The following RGS7 variants were observed in gnomAD, a reference collection of about 807,000 sequenced individuals.
RGS7 encodes the protein regulator of G protein signaling 7.
Under a neutral mutation model 81.1 loss-of-function variants are expected in RGS7, and 27 were observed. That is an observed-to-expected ratio of 0.33 (90% CI 0.25 to 0.46). The LOEUF (loss-of-function observed/expected upper bound fraction) is 0.46, where lower values mean the gene tolerates loss of function less well. RGS7 is among the 20% of genes least tolerant of loss of function. The pLI, the probability that RGS7 is intolerant of heterozygous loss-of-function variation, is 1.00. For missense variants in RGS7, 396 were observed against 607.4 expected (o/e 0.65, Z 3.66); for synonymous variants, 208 against 207.7 (o/e 1.00, Z -0.01).
chr1:241,190,478 C>T (rs12127470), intron 2 of RGS7, among the ~76,000 whole-genome samples: 108,948 of 151,974 alleles, frequency 0.72, 39,461 homozygotes, highest in Admixed American at 0.74. Flanking sequence ...CATTAATTTA[C>T]ATTTTGTGTG....
rs958556145 is a variant in RGS7, at chr1:241,271,560, T to C, written c.78+84139A>G. Among the ~76,000 whole-genome samples, 1 of 152,224 alleles carries C rather than the reference T, an allele frequency of 6.6e-6. No individual in the cohort carries two copies. The highest frequency in any genetic ancestry group is 6.5e-5 in the Admixed American group (1 of 15,286). On this transcript the variant is annotated intron_variant, in intron 2 of 18. Transcript: ENST00000440928. This position sits in a 1 kb window ranked among gnomAD's most constrained non-coding sequence, Gnocchi z 4.6. ...TCTGGTTAAACATTATTTTTGGGTG[T>C]GTCTGTGAGAGGCTTTCTGGAAGAA...
At chr1:241,277,521 T>C (rs1558265754) in intron 2 of RGS7, among the ~76,000 whole-genome samples, 1 of 150,968 alleles carries the variant, frequency 6.6e-6, no homozygotes, top group Non-Finnish European at 1.5e-5. Context: ...CAGGAGGCTG[T>C]GGCAGGAGAA....
intron 2 of RGS7, among the ~76,000 whole-genome samples, chr1:241,232,538 T>G (rs2075724700): frequency 6.6e-6 from 1 of 152,114 alleles, no homozygotes; most frequent in East Asian, 1.9e-4. Flanking sequence ...CCACATTGCC[T>G]GATAAATGTA....
At chr1:241,215,114 T>C (rs758858115) in intron 2 of RGS7, among the ~76,000 whole-genome samples, 5 of 152,196 alleles carry the variant, frequency 3.3e-5, no homozygotes, top group Non-Finnish European at 7.3e-5. Flanking sequence ...GGATGATTCA[T>C]TGTAAAATTT....
chr1:241,258,643 A>G (rs1196673338), intron 2 of RGS7, among the ~76,000 whole-genome samples: 1 of 152,188 alleles, frequency 6.6e-6, no homozygotes, highest in African/African-American at 2.4e-5. Flanking sequence ...AGGTCACACA[A>G]GTCAGACCAC....
At chr1:240,964,244 G>C (rs1178227608) in intron 4 of RGS7, among the ~76,000 whole-genome samples, 1 of 152,160 alleles carries the variant, frequency 6.6e-6, no homozygotes, top group Non-Finnish European at 1.5e-5. Context: ...TGAGAATGTA[G>C]CATGCCAGTA....
chr1:241,053,046 G>C (rs545647761), intron 3 of RGS7, among the ~76,000 whole-genome samples: 1 of 152,152 alleles, frequency 6.6e-6, no homozygotes, highest in African/African-American at 2.4e-5. Context: ...TTATCCTAAA[G>C]CAATCACACT....
At chr1:240,797,293 T>C (rs920762497) in intron 18 of RGS7, among the ~76,000 whole-genome samples, 3 of 152,210 alleles carry the variant, frequency 2.0e-5, no homozygotes, top group African/African-American at 7.2e-5. Flanking sequence ...TTTCTATCTG[T>C]CCCTCCTTAA....
At chr1:241,228,527 T>C (rs2075462892) in intron 2 of RGS7, among the ~76,000 whole-genome samples, 2 of 152,152 alleles carry the variant, frequency 1.3e-5, no homozygotes, top group Non-Finnish European at 2.9e-5. Flanking sequence ...TACAGAGAGA[T>C]AAACCCAACT....
At chr1:241,249,618 T>A (rs2148202102) in intron 2 of RGS7, among the ~76,000 whole-genome samples, 1 of 152,304 alleles carries the variant, frequency 6.6e-6, no homozygotes, top group East Asian at 1.9e-4. Flanking sequence ...CTGCTGAGAT[T>A]TCAATTGAGA....
In RGS7 at chr1:240,867,094, A is replaced by G. The variant is rs1022771258; in HGVS notation, c.609+1493T>C. On this transcript the variant is annotated intron_variant, in intron 9 of 18. Transcript: ENST00000440928. Reference sequence around the variant, plus strand: ...CTCATAATCCTTTTTCTTCATGAACAATAAAACTCACACTGAATTTTCAGT... The same window carrying G: ...CTCATAATCCTTTTTCTTCATGAACGATAAAACTCACACTGAATTTTCAGT... 1.2e-4 allele frequency among the ~76,000 whole-genome samples: 18 copies of G among 152,240 alleles called. 1 individual carries two copies. Among genetic ancestry groups the G allele is most frequent in the Non-Finnish European group, 2.9e-5 (2 of 68,040 alleles).
intron 2 of RGS7, among the ~76,000 whole-genome samples, chr1:241,338,515 A>T (rs4660067): frequency 0.048 from 7,313 of 152,172 alleles, 251 homozygotes; most frequent in South Asian, 0.12. Flanking sequence ...CAAATATTTT[A>T]AAAAAATGTT....
chr1:240,774,750 C>T (rs1443350130), downstream of RGS7: 2 of 152,238 alleles, frequency 1.3e-5, no homozygotes, highest in African/African-American at 2.4e-5. Flanking sequence ...ACTTAGTAAG[C>T]GTCACTAAAT....
intron 4 of RGS7, among the ~76,000 whole-genome samples, chr1:240,961,951 GAAGA>G (rs1012148962): frequency 1.3e-5 from 2 of 152,080 alleles, no homozygotes; most frequent in African/African-American, 2.4e-5. Flanking sequence ...AAAAGAGAGA[GAAGA>G]AAGAGAGAGA....
chr1:241,179,708 A>T (rs988523709), intron 2 of RGS7, among the ~76,000 whole-genome samples: 2 of 152,208 alleles, frequency 1.3e-5, no homozygotes, highest in Non-Finnish European at 2.9e-5. Flanking sequence ...TAAAAAGCCT[A>T]TTAGTCCAAT....
intron 2 of RGS7, among the ~76,000 whole-genome samples, chr1:241,117,506 T>A (rs1036229240): frequency 1.3e-5 from 2 of 152,094 alleles, no homozygotes; most frequent in Non-Finnish European, 2.9e-5. Flanking sequence ...GGAAAGGAGG[T>A]AAGAAATGAC....
At chr1:241,115,029 G>T (rs1008243635) in intron 2 of RGS7, among the ~76,000 whole-genome samples, 7 of 152,166 alleles carry the variant, frequency 4.6e-5, no homozygotes. Flanking sequence ...GAAAGGAAAT[G>T]AAAACAAGCT....
intron 2 of RGS7, among the ~76,000 whole-genome samples, chr1:241,157,664 A>G (rs986410084): frequency 2.0e-5 from 3 of 152,192 alleles, no homozygotes; most frequent in South Asian, 2.1e-4. Context: ...CTGGCCTGCC[A>G]TCAGATTTTG....
intron 14 of RGS7, among the ~76,000 whole-genome samples, chr1:240,811,281 T>G (rs1267599364): frequency 1.3e-5 from 2 of 152,256 alleles, no homozygotes; most frequent in Non-Finnish European, 2.9e-5. Flanking sequence ...AAATCCACTC[T>G]AATGTCTTAT....
Sources: allele counts gnomAD v4.1 joint callset (sites outside exome capture counted in the v4.1 genomes callset), GRCh38; gene constraint gnomAD v4.1.1; non-coding constraint Gnocchi (gnomAD v3.1); transcripts MANE v1.5; gene names NCBI Gene and HGNC (gene_info 2026-07-23, HGNC 2026-07-21).